EYA2: variants seen among roughly 807,000 people sequenced by gnomAD.
EYA2 encodes the protein EYA transcriptional coactivator and phosphatase 2, also known as protein phosphatase EYA2.
EYA2 carries 31 observed loss-of-function variants against 69.2 expected under a neutral mutation model. That is an observed-to-expected ratio of 0.45 (90% confidence interval 0.34 to 0.60). EYA2 has a LOEUF of 0.60. Ranked by LOEUF, EYA2 falls within the 20% of genes least tolerant of loss-of-function variation. The pLI is 0.02. For missense variants in EYA2, 622 were observed against 701.2 expected, an observed-to-expected ratio of 0.89 and a Z score of 1.28; for synonymous variants, 257 against 279.4, an observed-to-expected ratio of 0.92 and a Z score of 0.80.
chr20:47,080,159 A>G (rs1213979772), intron 7 of EYA2, among the ~76,000 whole-genome samples: 2 of 152,180 alleles, frequency 1.3e-5, no homozygotes, highest in African/African-American at 4.8e-5. Flanking sequence ...CAGCAGTGGA[A>G]TTAAATTAGA....
chr20:47,154,311 T>C (rs2033878822), intron 10 of EYA2, among the ~76,000 whole-genome samples: 1 of 152,002 alleles, frequency 6.6e-6, no homozygotes, highest in Non-Finnish European at 1.5e-5. Context: ...CCCTGTGACC[T>C]CACTTAAACT....
At chr20:47,083,640 CAAAAAAAATGCA>C (rs1441507501) in intron 7 of EYA2, among the ~76,000 whole-genome samples, 1 of 149,184 alleles carries the variant, frequency 6.7e-6, no homozygotes, top group Non-Finnish European at 1.5e-5. Flanking sequence ...ACATGACACA[CAAAAAAAATGCA>C]AAATAGATCA....
chr20:47,063,098 T>C (rs994977758), intron 5 of EYA2, among the ~76,000 whole-genome samples: 3 of 152,178 alleles, frequency 2.0e-5, no homozygotes, highest in Admixed American at 2.0e-4. Flanking sequence ...TTAACCATTT[T>C]AAAGTGTACA....
chr20:46,943,561 C>A (rs903175365), intron 1 of EYA2, among the ~76,000 whole-genome samples: 1 of 152,194 alleles, frequency 6.6e-6, no homozygotes, highest in African/African-American at 2.4e-5. Flanking sequence ...CATTCGGAGT[C>A]TCAGATCTGG....
intron 4 of EYA2, among the ~76,000 whole-genome samples, chr20:47,006,678 G>A (rs982859102): frequency 2.0e-5 from 3 of 152,106 alleles, no homozygotes; most frequent in Admixed American, 6.5e-5. Flanking sequence ...GGCAGACAGT[G>A]GTCAACAAAG....
intron 1 of EYA2, among the ~76,000 whole-genome samples, chr20:46,917,952 T>C (rs1217038390): frequency 6.6e-6 from 1 of 152,156 alleles, no homozygotes; most frequent in Non-Finnish European, 1.5e-5. Context: ...TCTCTTCCTT[T>C]TATGAAACAT....
In EYA2 at chr20:47,004,943, T is replaced by A; in HGVS notation, c.157T>A (p.Ser53Thr). ...TTAATCTTCCCTCTTTCCACACAGATCTTGCCCACGTGTCCTCCCCCGCCA... is the reference window on the plus strand; with the variant it reads ...TTAATCTTCCCTCTTTCCACACAGAACTTGCCCACGTGTCCTCCCCCGCCA... ...PLRVSQLFSR[S>T]CPRVLPRQPS... Residue 53 changes from serine (S) to threonine (T), a missense_variant and splice_region_variant, in exon 4 of 16, where the codon TCT becomes ACT. Ser to Thr is a moderately conservative substitution (Grantham distance 58). Coordinates refer to ENST00000327619, the MANE Select transcript of EYA2 (RefSeq NM_005244.5). The A allele has an allele frequency of 6.2e-7, 1 of 1,614,000 alleles. No homozygotes were observed. The highest frequency in any genetic ancestry group is 1.7e-5 in the Admixed American group (1 of 60,000).
At chr20:47,164,309 A>T (rs532754393) in intron 10 of EYA2, among the ~76,000 whole-genome samples, 1 of 152,274 alleles carries the variant, frequency 6.6e-6, no homozygotes, top group South Asian at 2.1e-4. Context: ...TGTGATTGCT[A>T]CTGTTGTCAC....
At chr20:47,117,457 T>C in intron 9 of EYA2, 1 of 985,306 alleles carries the variant, frequency 1.0e-6, no homozygotes, top group Non-Finnish European at 1.2e-6. Context: ...CCACAGCTCC[T>C]CGACCGGCTC....
chr20:47,015,102 C>T (rs1166866396), intron 4 of EYA2, among the ~76,000 whole-genome samples: 7 of 152,170 alleles, frequency 4.6e-5, no homozygotes, highest in African/African-American at 1.7e-4. Flanking sequence ...TGCATATGCA[C>T]AGAACCTGTC....
chr20:46,911,736 T>C (rs145215313), intron 1 of EYA2, among the ~76,000 whole-genome samples: 5 of 152,104 alleles, frequency 3.3e-5, no homozygotes, highest in Admixed American at 3.3e-4. Flanking sequence ...GTGTGGGAAC[T>C]GGAAAACTCG....
chr20:47,146,952 C>T (rs2033714647), intron 10 of EYA2, among the ~76,000 whole-genome samples: 1 of 151,880 alleles, frequency 6.6e-6, no homozygotes, highest in Non-Finnish European at 1.5e-5. Flanking sequence ...AATGTCAGAG[C>T]AAAGTGCTCT....
intron 5 of EYA2, among the ~76,000 whole-genome samples, chr20:47,024,020 AG>A (rs1315224794): frequency 1.3e-5 from 2 of 152,200 alleles, no homozygotes; most frequent in Non-Finnish European, 2.9e-5. Flanking sequence ...ATCCAGTTGT[AG>A]TAAACGTTTT....
chr20:47,152,281 A>G (rs1406802637), intron 10 of EYA2, among the ~76,000 whole-genome samples: 1 of 151,796 alleles, frequency 6.6e-6, no homozygotes, highest in Non-Finnish European at 1.5e-5. Context: ...GCCCTGGATT[A>G]TTCCTCCACG....
At chr20:47,181,245 AACAG>A (rs1462951116) in intron 14 of EYA2, among the ~76,000 whole-genome samples, 1 of 152,190 alleles carries the variant, frequency 6.6e-6, no homozygotes, top group Non-Finnish European at 1.5e-5. Flanking sequence ...TCCCTAGTAG[AACAG>A]ACAGAGGTGA....
At chr20:47,158,252 C>T (rs1280619044) in intron 10 of EYA2, among the ~76,000 whole-genome samples, 3 of 151,970 alleles carry the variant, frequency 2.0e-5, no homozygotes, top group East Asian at 2.0e-4. Flanking sequence ...CAGTGGCTCA[C>T]GCCTGTAATT....
rs79850326 is a variant in EYA2, at chr20:47,027,156, G to T, written c.415+10859G>T. Reference sequence around the variant, plus strand: ...GAGGTATGTTTCAGAGAACTTGAGTGATAGGTGTGGCCATAGTTGAGAGTG... The same window carrying T: ...GAGGTATGTTTCAGAGAACTTGAGTTATAGGTGTGGCCATAGTTGAGAGTG... On this transcript the variant is annotated intron_variant, in intron 5 of 15. Coordinates refer to ENST00000327619, the MANE Select transcript of EYA2 (RefSeq NM_005244.5). Among the ~76,000 whole-genome samples, 772 of 152,362 alleles carry T rather than the reference G, an allele frequency of 5.1e-3. 3 individuals are homozygous for T. Among genetic ancestry groups the T allele is most frequent in the Middle Eastern group, 0.014 (4 of 294 alleles).
chr20:47,136,411 C>G (rs1402984457), intron 9 of EYA2, among the ~76,000 whole-genome samples: 1 of 152,182 alleles, frequency 6.6e-6, no homozygotes, highest in Non-Finnish European at 1.5e-5. Flanking sequence ...AGATAGTGAT[C>G]CACGAGGCAG....
chr20:47,114,877 T>C (rs2032847990), intron 9 of EYA2, among the ~76,000 whole-genome samples: 1 of 152,128 alleles, frequency 6.6e-6, no homozygotes, highest in Admixed American at 6.5e-5. Flanking sequence ...TTGCTCCTGC[T>C]TTTGCCAGGT....
Sources: gnomAD v4.1 joint callset for allele counts (sites outside exome capture counted in the v4.1 genomes callset) on GRCh38, gnomAD v4.1.1 for gene constraint, MANE v1.5 for transcripts, NCBI Gene and HGNC (gene_info 2026-07-23, HGNC 2026-07-21) for gene names.